Variants in VIPR2 observed in about 807,000 individuals in gnomAD.
VIPR2 encodes vasoactive intestinal peptide receptor 2, also known as vasoactive intestinal polypeptide receptor 2.
Under a neutral mutation model 58.0 loss-of-function variants are expected in VIPR2, and 48 were observed. The ratio of observed to expected loss-of-function variants is 0.83; its 90% CI spans 0.66 to 1.05. The LOEUF is 1.05. Ranked by LOEUF, VIPR2 falls within the 50% of genes least tolerant of loss-of-function variation. VIPR2 has a pLI of 0.00. For synonymous variants in VIPR2, 243 were observed against 235.2 expected, an observed-to-expected ratio of 1.03 and a Z score of -0.30; for missense variants, 534 against 558.0, an observed-to-expected ratio of 0.96 and a Z score of 0.43.
chr7:159,113,063 G>A (rs182000753), intron 2 of VIPR2, among the ~76,000 whole-genome samples: 5 of 152,342 alleles, frequency 3.3e-5, no homozygotes, highest in Admixed American at 3.3e-4. Context: ...CTAGGAGTGA[G>A]AGAAGAGAGA....
At chr7:159,032,419 T>A (rs1853653251) in intron 10 of VIPR2, among the ~76,000 whole-genome samples, 1 of 152,246 alleles carries the variant, frequency 6.6e-6, no homozygotes, top group Non-Finnish European at 1.5e-5. Context: ...GCCCGGCCCA[T>A]CCTGAGGCAG....
At chr7:159,056,559 C>CAAA (rs1855338955) in intron 5 of VIPR2, among the ~76,000 whole-genome samples, 1 of 152,138 alleles carries the variant, frequency 6.6e-6, no homozygotes, top group Non-Finnish European at 1.5e-5. Context: ...GATGACTCCC[C>CAAA]TACAAAGCTG....
chr7:159,074,852 T>C (rs1856562977), intron 4 of VIPR2, among the ~76,000 whole-genome samples: 1 of 151,728 alleles, frequency 6.6e-6, no homozygotes, highest in South Asian at 2.1e-4. Context: ...AAAACCCAGA[T>C]AAAAAAAGAA....
At chr7:159,057,246 A>G (rs796674034) in intron 5 of VIPR2, among the ~76,000 whole-genome samples, 11 of 152,354 alleles carry the variant, frequency 7.2e-5, no homozygotes, top group African/African-American at 2.6e-4. Flanking sequence ...ACAGTAAAAT[A>G]GTAAACATAT....
intron 4 of VIPR2, among the ~76,000 whole-genome samples, chr7:159,065,925 CCT>C (rs1563291133): frequency 1.3e-5 from 2 of 152,210 alleles, no homozygotes; most frequent in African/African-American, 4.8e-5. Flanking sequence ...TTTGACCTCC[CCT>C]GAGACAGAAA....
chr7:159,141,831 A>C (rs1035464687), intron 2 of VIPR2, among the ~76,000 whole-genome samples: 2 of 152,198 alleles, frequency 1.3e-5, no homozygotes, highest in Non-Finnish European at 2.9e-5. Context: ...AGAGCAGAGA[A>C]AGCTGAGGGA....
chr7:159,030,692 C>G lies in VIPR2; in HGVS notation c.1241G>C (p.Gly414Ala). Residue 414 changes from glycine to alanine, a missense_variant, in exon 13 of 13, where the codon GGC becomes GCC. This residue lies in a region of VIPR2 where 306 missense variants were observed against 285.8 expected (regional missense o/e 1.07). Transcript: ENST00000262178. The stretch of plus-strand genomic sequence containing the variant: ...GTGGAACTGCAGGGCGCCCTCCGAG[C>G]CGTTGCGGGAGAAGGAGGAACCGCA... ...RVCGSSFSRN[G>A]SEGALQFHRG... 1.3e-6 allele frequency: 2 copies of G among 1,580,964 alleles called. No homozygotes were observed. The highest frequency in any genetic ancestry group is 1.7e-6 in the Non-Finnish European group (2 of 1,164,836).
rs956624428 is a variant in VIPR2 at position 159,128,779 on chromosome 7, A to G, written c.151+13667T>C. On this transcript the variant is annotated intron_variant, in intron 2 of 12. Transcript: ENST00000262178. The surrounding 1 kb of genome is among the most constrained non-coding windows in gnomAD (Gnocchi z 4.1). Reference sequence around the variant, plus strand: ...GAAACACAGCTCACATGCGAACCCCACTTCTCAGGAGCCTTCAGTGGTCTC... The same window carrying G: ...GAAACACAGCTCACATGCGAACCCCGCTTCTCAGGAGCCTTCAGTGGTCTC... Among the ~76,000 whole-genome samples the G allele has an allele frequency of 3.9e-5, 6 of 151,984 alleles. No individual in the cohort carries two copies. Among genetic ancestry groups the G allele is most frequent in the African/African-American group, 1.5e-4 (6 of 41,354 alleles).
chr7:159,079,477 A>G (rs1447378470), intron 4 of VIPR2, among the ~76,000 whole-genome samples: 1 of 152,224 alleles, frequency 6.6e-6, no homozygotes, highest in African/African-American at 2.4e-5. Flanking sequence ...AGCAGTGTGG[A>G]GAGGGAAATT....
intron 4 of VIPR2, 88 bp downstream of exon 4, chr7:159,103,669 C>CT: frequency 9.7e-7 from 1 of 1,027,254 alleles, no homozygotes; most frequent in Non-Finnish European, 1.5e-6. Context: ...GGGGAAAAAT[C>CT]TACATAATTC....
At chr7:159,105,011 G>A (rs544565512) in intron 3 of VIPR2, among the ~76,000 whole-genome samples, 1 of 152,374 alleles carries the variant, frequency 6.6e-6, no homozygotes, top group South Asian at 2.1e-4. Flanking sequence ...CAGTTTAATT[G>A]TAGGAAACCA....
chr7:159,133,877 G>A (rs1371650378), intron 2 of VIPR2, among the ~76,000 whole-genome samples: 1 of 152,188 alleles, frequency 6.6e-6, no homozygotes, highest in Non-Finnish European at 1.5e-5. Context: ...TGTCGATGAT[G>A]TAGTAGAAAT....
rs965698989 is a variant in VIPR2, at chr7:159,095,094, G to A, written c.357+8663C>T. On this transcript the variant is annotated intron_variant, in intron 4 of 12. Coordinates refer to ENST00000262178, the MANE Select transcript of VIPR2 (RefSeq NM_003382.5). The surrounding 1 kb of genome is among the most constrained non-coding windows in gnomAD (Gnocchi z 5.2). ...ATCACGGCCACAAAGATGGAGAGGG[G>A]CTAGGGAGAGTTCCAGATTAAAGCC... is the stretch of plus-strand genomic sequence containing the variant. Among the ~76,000 whole-genome samples the A allele has an allele frequency of 7.2e-5, 11 of 152,208 alleles. No individual in the cohort carries two copies. Among genetic ancestry groups the A allele is most frequent in the African/African-American group, 2.7e-4 (11 of 41,456 alleles).
At chr7:159,033,998 C>T (rs1411370998) in intron 10 of VIPR2, among the ~76,000 whole-genome samples, 1 of 152,180 alleles carries the variant, frequency 6.6e-6, no homozygotes, top group Non-Finnish European at 1.5e-5. Flanking sequence ...TTTTAAACCA[C>T]CAAATTTTGG....
chr7:159,086,716 G>C (rs938289727), intron 4 of VIPR2, among the ~76,000 whole-genome samples: 1 of 152,222 alleles, frequency 6.6e-6, no homozygotes, highest in African/African-American at 2.4e-5. Context: ...TCTGAGTTCT[G>C]CCTGCCTCCG....
At chr7:159,082,645 G>A (rs552755944) in intron 4 of VIPR2, among the ~76,000 whole-genome samples, 1 of 152,218 alleles carries the variant, frequency 6.6e-6, no homozygotes, top group Non-Finnish European at 1.5e-5. Context: ...CTATGAGAGA[G>A]CAGCATTCTG....
chr7:159,122,054 T>C (rs190652473), intron 2 of VIPR2, among the ~76,000 whole-genome samples: 17 of 152,336 alleles, frequency 1.1e-4, no homozygotes, highest in African/African-American at 3.8e-4. Context: ...GCACAGGTGA[T>C]TCTCCAGCCC....
chr7:159,065,059 G>A (rs568560096), intron 4 of VIPR2, among the ~76,000 whole-genome samples: 43 of 152,294 alleles, frequency 2.8e-4, no homozygotes, highest in African/African-American at 1.0e-3. Context: ...CTGGGAGGGC[G>A]GAAATCACAA....
intron 4 of VIPR2, among the ~76,000 whole-genome samples, chr7:159,088,671 A>G (rs1009484128): frequency 6.6e-6 from 1 of 152,266 alleles, no homozygotes; most frequent in Non-Finnish European, 1.5e-5. Flanking sequence ...TGGAGAAGCC[A>G]CTGTCTGAGC....
Sources: gnomAD v4.1 joint callset for allele counts (sites outside exome capture counted in the v4.1 genomes callset) on GRCh38, gnomAD v4.1.1 for gene constraint, gnomAD v4.1.1 regional missense constraint, Gnocchi (gnomAD v3.1) non-coding constraint, MANE v1.5 for transcripts, NCBI Gene and HGNC (gene_info 2026-07-23, HGNC 2026-07-21) for gene names.